The following CFTR variants were observed in gnomAD, a reference collection of about 807,000 sequenced individuals.
CFTR encodes the protein cystic fibrosis transmembrane conductance regulator.
CFTR carries 181 observed loss-of-function variants against 171.6 expected under a neutral mutation model. The observed-to-expected ratio is 1.05, with a 90% CI of 0.93 to 1.19. CFTR has a LOEUF of 1.19. CFTR is among the 50% of genes most tolerant of loss of function. The pLI is 0.00. For synonymous variants in CFTR, 583 were observed against 608.0 expected (o/e 0.96, Z 0.60); for missense variants, 1,968 against 1,734.7 (o/e 1.13, Z -2.39).
chr7:117,488,038 TA>T (rs1798101271), intron 1 of CFTR: 1 of 152,118 alleles, frequency 6.6e-6, no homozygotes, highest in South Asian at 2.1e-4. Flanking sequence ...CTCTAGAAAT[TA>T]AAACAACAAT....
Position 117,521,831 on chromosome 7 carries a change from CT to C in CFTR, c.274-9067del, listed in dbSNP as rs1346536784. Among the ~76,000 whole-genome samples, 3 of 152,176 alleles carry C rather than the reference CT, an allele frequency of 2.0e-5. No individual in the cohort carries two copies. In the East Asian group the frequency reaches 5.8e-4, roughly 29 times the overall value. On this transcript the variant is annotated intron_variant, in intron 3 of 26. Coordinates refer to ENST00000003084, the MANE Select transcript of CFTR (RefSeq NM_000492.4). ...TAATTACAAGCATGAGTTCAGGTTTCTATTTTTTTCACCTGAACTTTCCTTC... is the reference window on the plus strand; with the variant it reads ...TAATTACAAGCATGAGTTCAGGTTTCATTTTTTTCACCTGAACTTTCCTTC...
rs552798340 is a variant in CFTR at position 117,613,409 on chromosome 7, C to T, written c.3368-1204C>T. Among the ~76,000 whole-genome samples the T allele has an allele frequency of 2.6e-5, 4 of 152,278 alleles. No individual in the cohort carries two copies. In the East Asian group the frequency reaches 7.7e-4, roughly 29 times the overall value. On this transcript the variant is annotated intron_variant, in intron 20 of 26. Transcript: ENST00000003084. ...TATCCCTGGCTCAATTGGTCTTCAG[C>T]TGTGTTAACTTGCAAACATTAATTA...
chr7:117,574,342 A>G (rs567452242), intron 11 of CFTR, among the ~76,000 whole-genome samples: 4 of 152,206 alleles, frequency 2.6e-5, no homozygotes, highest in African/African-American at 9.6e-5. Context: ...GAACTTAATT[A>G]CAATTCTCCT....
At chr7:117,497,147 A>C (rs1383082925) in intron 1 of CFTR, among the ~76,000 whole-genome samples, 1 of 152,006 alleles carries the variant, frequency 6.6e-6, no homozygotes, top group Non-Finnish European at 1.5e-5. Flanking sequence ...TAAAATTCTG[A>C]CTCTGCCCTT....
intron 22 of CFTR, among the ~76,000 whole-genome samples, chr7:117,636,115 G>A (rs1792824658): frequency 6.6e-6 from 1 of 151,950 alleles, no homozygotes; most frequent in Admixed American, 6.6e-5. Flanking sequence ...CTTGACTTTT[G>A]AAGAATAATT....
chr7:117,571,914 G>C (rs575677229), intron 11 of CFTR, among the ~76,000 whole-genome samples: 1 of 152,270 alleles, frequency 6.6e-6, no homozygotes, highest in South Asian at 2.1e-4. Flanking sequence ...TTTGTTGGGT[G>C]TAGTAAAAAT....
rs367934560 is a variant in CFTR, at chr7:117,548,732, C to T, written c.1301C>T (p.Ser434Leu). 1 of 1,613,054 alleles carries T rather than the reference C, an allele frequency of 6.2e-7. No individual in the cohort carries two copies. The highest frequency in any genetic ancestry group is 1.3e-5 in the African/African-American group (1 of 74,882). The change falls in exon 10 of 27, where the codon TCA (serine) becomes TTA (leucine). Residue 434 changes from serine to leucine, a missense_variant. Coordinates refer to ENST00000003084, the MANE Select transcript of CFTR (RefSeq NM_000492.4). ...GDDSLFFSNF[S>L]LLGTPVLKDI... Reference sequence around the variant, plus strand: ...GACAGCCTCTTCTTCAGTAATTTCTCACTTCTTGGTACTCCTGTCCTGAAA... The same window carrying T: ...GACAGCCTCTTCTTCAGTAATTTCTTACTTCTTGGTACTCCTGTCCTGAAA...
chr7:117,580,376 C>G (rs941677065), intron 11 of CFTR, among the ~76,000 whole-genome samples: 1 of 151,878 alleles, frequency 6.6e-6, no homozygotes. Context: ...ATATTAATAT[C>G]TGTTGGTGGT....
Position 117,627,533 on chromosome 7 carries a change from G to A in CFTR, c.3480G>A (p.Val1160=), listed in dbSNP as rs1298788637. The A allele has an allele frequency of 6.2e-7, 1 of 1,613,138 alleles. No individual in the cohort carries two copies. Among genetic ancestry groups the A allele is most frequent in the Non-Finnish European group, 8.5e-7 (1 of 1,179,352 alleles). ...TATTTTTATTTCAGATGCGATCTGT[G>A]AGCCGAGTCTTTAAGTTCATTGACA... ...SIDVDSLMRS[V]SRVFKFIDMP... Residue 1160 remains valine (V), a synonymous_variant, in exon 22 of 27, where the codon GTG becomes GTA. Transcript: ENST00000003084.
At chr7:117,641,764 C>A (rs1440880963) in intron 22 of CFTR, among the ~76,000 whole-genome samples, 1 of 152,170 alleles carries the variant, frequency 6.6e-6, no homozygotes, top group East Asian at 1.9e-4. Context: ...CTTTAGGTAA[C>A]AAGAATAATT....
chr7:117,601,486 CTTAAT>C (rs1262216264), intron 15 of CFTR, among the ~76,000 whole-genome samples: 1 of 151,904 alleles, frequency 6.6e-6, no homozygotes, highest in Non-Finnish European at 1.5e-5. Flanking sequence ...AATGTAATTT[CTTAAT>C]TTAAGTGTTC....
At chr7:117,590,321 G>T in intron 12 of CFTR, 32 bp from the exon 13 acceptor site, 1 of 1,593,808 alleles carries the variant, frequency 6.3e-7, no homozygotes, top group South Asian at 1.1e-5. Flanking sequence ...AAATAGAGAG[G>T]AAATGTAATT....
chr7:117,665,652 C>A, intron 26 of CFTR, 88 bp downstream of exon 26: 1 of 862,472 alleles, frequency 1.2e-6, no homozygotes, highest in Non-Finnish European at 2.0e-6. Context: ...CAAATTGCAA[C>A]AATGTACAAG....
intron 8 of CFTR, among the ~76,000 whole-genome samples, chr7:117,541,635 A>T (rs897384659): frequency 4.8e-5 from 6 of 124,524 alleles, no homozygotes; most frequent in Admixed American, 4.7e-4. Context: ...GCGTGCTATT[A>T]AGATGAAGAC....
In CFTR at chr7:117,642,535, T is replaced by G. The variant is rs752834717; in HGVS notation, c.3815T>G (p.Val1272Gly). 2.5e-6 allele frequency: 4 copies of G among 1,613,594 alleles called. No homozygotes were observed. In the East Asian group the frequency reaches 8.9e-5, roughly 36 times the overall value. Residue 1272 changes from valine (V) to glycine (G), a missense_variant, in exon 23 of 27, where the codon GTG becomes GGG. Physicochemically the swap from Val to Gly is moderately radical, Grantham distance 109. Coordinates refer to ENST00000003084, the MANE Select transcript of CFTR (RefSeq NM_000492.4). ...NTEGEIQIDG[V>G]SWDSITLQQW... ...GAAGGAGAAATCCAGATCGATGGTG[T>G]GTCTTGGGATTCAATAACTTTGCAA...
At chr7:117,559,098 T>C (rs1251252364) in intron 10 of CFTR, among the ~76,000 whole-genome samples, 1 of 152,200 alleles carries the variant, frequency 6.6e-6, no homozygotes, top group Non-Finnish European at 1.5e-5. Context: ...AATAAATTAA[T>C]ATAGTTAAAG....
chr7:117,632,313 G>A (rs745959795), intron 22 of CFTR, among the ~76,000 whole-genome samples: 5 of 152,048 alleles, frequency 3.3e-5, no homozygotes, highest in South Asian at 2.1e-4. Flanking sequence ...GCTTGTAATC[G>A]AGCACTTTGA....
chr7:117,653,411 C>G (rs920688388), intron 24 of CFTR, among the ~76,000 whole-genome samples: 1 of 152,102 alleles, frequency 6.6e-6, no homozygotes, highest in Non-Finnish European at 1.5e-5. Flanking sequence ...TTTGCTGTCT[C>G]GTGAGAGCAT....
chr7:117,634,433 C>T (rs1045773106), intron 22 of CFTR, among the ~76,000 whole-genome samples: 13 of 151,890 alleles, frequency 8.6e-5, no homozygotes, highest in Admixed American at 1.3e-4. Flanking sequence ...GATGAACCAA[C>T]TTTTTGTTTT....
Sources: allele counts gnomAD v4.1 joint callset (sites outside exome capture counted in the v4.1 genomes callset), GRCh38; gene constraint gnomAD v4.1.1; transcripts MANE v1.5; gene names NCBI Gene and HGNC (gene_info 2026-07-23, HGNC 2026-07-21).